Variants in ASPH observed in about 807,000 individuals in gnomAD.
ASPH encodes the protein aspartyl/asparaginyl beta-hydroxylase.
In ASPH, 100 loss-of-function variants were observed where a neutral mutation model predicts 118.4. The observed-to-expected ratio is 0.84, with a 90% CI of 0.72 to 1.00. ASPH has a LOEUF of 1.00. Ranked by LOEUF, ASPH falls within the 50% of genes least tolerant of loss-of-function variation. ASPH has a pLI of 0.00. For missense variants in ASPH, 920 were observed against 919.5 expected (o/e 1.00, Z -0.01); for synonymous variants, 315 against 325.6 (o/e 0.97, Z 0.35).
chr8:61,556,331 C>T (rs1437709920), intron 18 of ASPH, among the ~76,000 whole-genome samples: 1 of 152,194 alleles, frequency 6.6e-6, no homozygotes. Flanking sequence ...CAAAATATCT[C>T]TCAATTGATA....
At chr8:61,678,649 A>C (rs1480542532) in intron 3 of ASPH, among the ~76,000 whole-genome samples, 1 of 152,096 alleles carries the variant, frequency 6.6e-6, no homozygotes, top group Non-Finnish European at 1.5e-5. Flanking sequence ...TCTAGAAAAA[A>C]AAACTGATGA....
intron 4 of ASPH, among the ~76,000 whole-genome samples, chr8:61,652,906 T>C (rs1811770170): frequency 6.6e-6 from 1 of 152,228 alleles, no homozygotes; most frequent in African/African-American, 2.4e-5. Flanking sequence ...AAAGTACCAT[T>C]TGGATTCAGT....
intron 13 of ASPH, among the ~76,000 whole-genome samples, chr8:61,619,643 C>G (rs1412458175): frequency 6.6e-6 from 1 of 152,150 alleles, no homozygotes; most frequent in Non-Finnish European, 1.5e-5. Flanking sequence ...GACAGTGACA[C>G]CCACCAACAG....
intron 1 of ASPH, among the ~76,000 whole-genome samples, chr8:61,710,370 T>C (rs377745807): frequency 1.3e-5 from 2 of 152,200 alleles, no homozygotes; most frequent in East Asian, 3.8e-4. Flanking sequence ...ACAAGATGGA[T>C]AGACCCTATG....
At chr8:61,520,592 C>A (rs535260171) in intron 22 of ASPH, among the ~76,000 whole-genome samples, 1 of 152,102 alleles carries the variant, frequency 6.6e-6, no homozygotes, top group African/African-American at 2.4e-5. Context: ...ATGGAGTTCC[C>A]CAAATGAACA....
At chr8:61,560,941 G>A (rs1283352807) in intron 18 of ASPH, among the ~76,000 whole-genome samples, 1 of 151,716 alleles carries the variant, frequency 6.6e-6, no homozygotes, top group Non-Finnish European at 1.5e-5. Context: ...GGAGGAAAGG[G>A]TGCAGGAAGG....
chr8:61,625,092 C>T lies in ASPH; in HGVS notation c.935-6073G>A, dbSNP rs780764098. ...AAATCAAGAGCTACCCCTAATATAT[C>T]GATCAAACCACTTCTTATGGCTTTG... On this transcript the variant is annotated intron_variant, in intron 13 of 24. Coordinates refer to ENST00000379454, the MANE Select transcript of ASPH (RefSeq NM_004318.4). The T allele has an allele frequency of 1.9e-5, 19 of 985,590 alleles. No individual in the cohort carries two copies. The African/African-American group carries it at 2.4e-4, about 13-fold the overall frequency. 61.1% of individuals were successfully genotyped at this position (985,590 alleles called of 1,614,324 possible).
At chr8:61,619,849 T>A (rs1210915329) in intron 13 of ASPH, among the ~76,000 whole-genome samples, 2 of 152,166 alleles carry the variant, frequency 1.3e-5, no homozygotes, top group African/African-American at 4.8e-5. Context: ...CTTTGTGTAT[T>A]TCTAGGAATA....
chr8:61,635,477 T>G (rs1857330580), intron 12 of ASPH, among the ~76,000 whole-genome samples: 2 of 152,100 alleles, frequency 1.3e-5, no homozygotes, highest in African/African-American at 4.8e-5. Context: ...CTTGATACTT[T>G]CACTTGGATA....
chr8:61,610,696 C>G (rs1847038616), intron 14 of ASPH, among the ~76,000 whole-genome samples: 2 of 152,166 alleles, frequency 1.3e-5, no homozygotes, highest in Admixed American at 1.3e-4. Flanking sequence ...CTACATTGCT[C>G]TTCAACAACA....
chr8:61,562,389 C>CTCTCTGTGTGTGTG (rs71257370), intron 18 of ASPH, among the ~76,000 whole-genome samples: 3 of 128,988 alleles, frequency 2.3e-5, no homozygotes, highest in South Asian at 2.6e-4. Context: ...GAAAGTGTGT[C>CTCTCTGTGTGTGTG]TGTGTGTGTG....
intron 1 of ASPH, among the ~76,000 whole-genome samples, chr8:61,712,178 A>G (rs1040183326): frequency 6.6e-6 from 1 of 152,250 alleles, no homozygotes; most frequent in Non-Finnish European, 1.5e-5. Flanking sequence ...TGGGTCTCAC[A>G]GTATGACACT....
At chr8:61,528,250 C>A (rs1295231738) in intron 21 of ASPH, among the ~76,000 whole-genome samples, 1 of 152,182 alleles carries the variant, frequency 6.6e-6, no homozygotes, top group Non-Finnish European at 1.5e-5. Flanking sequence ...GTCAGATCCA[C>A]AGATTGAGAG....
intron 14 of ASPH, among the ~76,000 whole-genome samples, chr8:61,604,702 T>C (rs1194427382): frequency 6.6e-6 from 1 of 152,192 alleles, no homozygotes; most frequent in Non-Finnish European, 1.5e-5. Context: ...TGTTAACAGA[T>C]GACAAACTTT....
In ASPH at chr8:61,676,874, T is replaced by A. The variant is rs145587000; in HGVS notation, c.322+4094A>T. Among the ~76,000 whole-genome samples, 206 of 152,082 alleles carry A rather than the reference T, an allele frequency of 1.4e-3. 1 individual carries two copies. The highest frequency in any genetic ancestry group is 4.7e-3 in the African/African-American group (194 of 41,512). Reference sequence around the variant, plus strand: ...CTGACTTAGGAAATTCTGGAGTTAATATAATTAGCAGTATTACCATTTATA... The same window carrying A: ...CTGACTTAGGAAATTCTGGAGTTAAAATAATTAGCAGTATTACCATTTATA... On this transcript the variant is annotated intron_variant, in intron 3 of 24. Coordinates refer to ENST00000379454, the MANE Select transcript of ASPH (RefSeq NM_004318.4).
At chr8:61,662,609 G>A (rs192986095) in intron 3 of ASPH, among the ~76,000 whole-genome samples, 109 of 152,192 alleles carry the variant, frequency 7.2e-4, no homozygotes, top group East Asian at 2.1e-3. Context: ...TAAATATTAC[G>A]CAGTTGGATA....
intron 15 of ASPH, chr8:61,582,869 G>A (rs1254767583): frequency 6.6e-6 from 1 of 152,152 alleles, no homozygotes; most frequent in Non-Finnish European, 1.5e-5. Flanking sequence ...CAAGTGCAGA[G>A]TAGAGAAACA....
At chr8:61,579,175 C>G in intron 15 of ASPH, 1 of 1,612,466 alleles carries the variant, frequency 6.2e-7, no homozygotes, top group Non-Finnish European at 8.5e-7. Flanking sequence ...CAGCTCCAGG[C>G]TGAGATTGAG....
intron 18 of ASPH, among the ~76,000 whole-genome samples, chr8:61,561,128 GAGGGAGGGAGGA>G (rs1563822032): frequency 1.4e-5 from 1 of 70,764 alleles, no homozygotes; most frequent in African/African-American, 7.7e-5. Flanking sequence ...GGGAGGGAGG[GAGGGAGGGAGGA>G]AGGAAGTTAG....
Sources: gnomAD v4.1 joint callset for allele counts (sites outside exome capture counted in the v4.1 genomes callset) on GRCh38, gnomAD v4.1.1 for gene constraint, MANE v1.5 for transcripts, NCBI Gene and HGNC (gene_info 2026-07-23, HGNC 2026-07-21) for gene names.